The following DNAI4 variants were observed in gnomAD, a reference collection of about 807,000 sequenced individuals.
DNAI4 encodes the protein dynein axonemal intermediate chain 4.
DNAI4 carries 85 observed loss-of-function variants against 105.8 expected under a neutral mutation model. The observed-to-expected ratio is 0.80, with a 90% CI of 0.67 to 0.96. The LOEUF (loss-of-function observed/expected upper bound fraction) is 0.96. DNAI4 is among the 40% of genes least tolerant of loss of function. The pLI is 0.00. For synonymous variants in DNAI4, 352 were observed against 331.5 expected, an observed-to-expected ratio of 1.06 and a Z score of -0.67; for missense variants, 1,014 against 1,005.6, an observed-to-expected ratio of 1.01 and a Z score of -0.11.
Position 66,893,257 on chromosome 1 carries a change from T to A in DNAI4, c.502A>T (p.Asn168Tyr), listed in dbSNP as rs1648014422. Residue 168 changes from asparagine (N) to tyrosine (Y), a missense_variant, in exon 3 of 17, where the codon AAT (asparagine) becomes TAT (tyrosine). Coordinates refer to ENST00000371026, the MANE Select transcript of DNAI4 (RefSeq NM_024763.5). ...SSYSLYQNTI[N>Y]PSTLGQFTRS... Reference sequence around the variant, plus strand: ...GTAAACTGCCCTAACGTACTAGGATTTATTGTATTCTGATAAAGGCTATAG... The same window carrying A: ...GTAAACTGCCCTAACGTACTAGGATATATTGTATTCTGATAAAGGCTATAG... 1 of 1,599,206 alleles carries A rather than the reference T, an allele frequency of 6.3e-7. No individual in the cohort carries two copies. Among genetic ancestry groups the A allele is most frequent in the Admixed American group, 1.7e-5 (1 of 57,854 alleles).
At chr1:66,902,844 T>C (rs995066680) in intron 2 of DNAI4, among the ~76,000 whole-genome samples, 3 of 152,280 alleles carry the variant, frequency 2.0e-5, no homozygotes, top group Admixed American at 6.5e-5. Context: ...TCAAAACCAT[T>C]TGACCATATA....
At chr1:66,839,436 T>C (rs1278848411) in intron 9 of DNAI4, among the ~76,000 whole-genome samples, 1 of 152,206 alleles carries the variant, frequency 6.6e-6, no homozygotes, top group Non-Finnish European at 1.5e-5. Flanking sequence ...ATAGACTTTC[T>C]GTTTTTTAAT....
At chr1:66,870,225 C>A (rs1473655479) in intron 6 of DNAI4, among the ~76,000 whole-genome samples, 1 of 151,946 alleles carries the variant, frequency 6.6e-6, no homozygotes. Context: ...GGGAGGATCA[C>A]CTGAGGTCAG....
intron 6 of DNAI4, among the ~76,000 whole-genome samples, chr1:66,864,111 T>A (rs1001027048): frequency 6.6e-6 from 1 of 152,376 alleles, no homozygotes; most frequent in African/African-American, 2.4e-5. Flanking sequence ...AACAAATTAC[T>A]GCTCATTTTA....
At chr1:66,883,929 A>T (rs945685427) in intron 4 of DNAI4, among the ~76,000 whole-genome samples, 7 of 152,132 alleles carry the variant, frequency 4.6e-5, no homozygotes, top group African/African-American at 7.2e-5. Context: ...TAGACTTTTT[A>T]AAAAAACATA....
chr1:66,907,420 T>C (rs989522932), intron 1 of DNAI4, among the ~76,000 whole-genome samples: 6 of 152,140 alleles, frequency 3.9e-5, no homozygotes, highest in African/African-American at 9.7e-5. Context: ...ACTCTCTCAT[T>C]CTCTTCCTCC....
chr1:66,873,174 TTCCTTCTCCCTC>T lies in DNAI4; in HGVS notation c.800+1595_800+1606del, dbSNP rs1160291024. Among the ~76,000 whole-genome samples the T allele has an allele frequency of 3.0e-4, 45 of 151,506 alleles. 1 individual carries two copies. The South Asian group carries it at 9.2e-3, about 31-fold the overall frequency. On this transcript the variant is annotated intron_variant, in intron 5 of 16. Coordinates refer to ENST00000371026, the MANE Select transcript of DNAI4 (RefSeq NM_024763.5). ...AATTCTTCTCCTTCTCCTTCTCCCT[TTCCTTCTCCCTC>T]TCCTTCTCCCTCTCCCTCTCCTTCT...
At chr1:66,833,807 C>T (rs1557904695) in intron 12 of DNAI4, 101 bp from the exon 13 acceptor site, 8 of 1,463,020 alleles carry the variant, frequency 5.5e-6, no homozygotes, top group East Asian at 2.3e-5. Context: ...ATTAGTTCTG[C>T]CAACTTTTGC....
At chr1:66,915,984 T>G (rs1557987500) in intron 1 of DNAI4, among the ~76,000 whole-genome samples, 1 of 150,174 alleles carries the variant, frequency 6.7e-6, no homozygotes, top group Non-Finnish European at 1.5e-5. Flanking sequence ...TAGCTAGGTG[T>G]GGTGGTGTGC....
chr1:66,921,304 T>C (rs1650462097), intron 1 of DNAI4: 1 of 152,220 alleles, frequency 6.6e-6, no homozygotes, highest in East Asian at 1.9e-4. Flanking sequence ...TGTCCAGTAT[T>C]GTAAAGCTAA....
chr1:66,911,618 T>C (rs1054899362), intron 1 of DNAI4, among the ~76,000 whole-genome samples: 1 of 152,210 alleles, frequency 6.6e-6, no homozygotes. Flanking sequence ...TAAGGACCAT[T>C]TGATCAAAGA....
At chr1:66,827,759 TG>T in intron 14 of DNAI4, 52 bp downstream of exon 14, 1 of 1,066,632 alleles carries the variant, frequency 9.4e-7, no homozygotes. Flanking sequence ...ATAATGGTAC[TG>T]TTTTTTCAGA....
At position 66,817,310 on chromosome 1, in the gene DNAI4, T is replaced by C. The variant is rs59546947; in HGVS notation, c.2497-3130A>G. Among the ~76,000 whole-genome samples the C allele has an allele frequency of 6.9e-3, 1,045 of 152,298 alleles. 7 individuals are homozygous for C. The highest frequency in any genetic ancestry group is 0.024 in the African/African-American group (1,001 of 41,566). On this transcript the variant is annotated intron_variant, in intron 16 of 16. Coordinates refer to ENST00000371026, the MANE Select transcript of DNAI4 (RefSeq NM_024763.5). ...AATCTGGGCTAGGCCTGGTGGCTCA[T>C]GCCTGTAATCCCAGCACTTGAGGAC... is the stretch of plus-strand genomic sequence containing the variant.
intron 5 of DNAI4, among the ~76,000 whole-genome samples, chr1:66,873,820 AATTATCTGTCCCTTTCTTTTTTC>A (rs1174536362): frequency 6.7e-6 from 1 of 149,436 alleles, no homozygotes; most frequent in Non-Finnish European, 1.5e-5. Context: ...ATTTCAAAGC[AATTATCTGTCCCTTTCTTTTTTC>A]CCTCTTTCCT....
chr1:66,814,821 G>T (rs1318532829), intron 16 of DNAI4, among the ~76,000 whole-genome samples: 1 of 152,060 alleles, frequency 6.6e-6, no homozygotes, highest in Admixed American at 6.5e-5. Flanking sequence ...ATTCTTTCCT[G>T]ATCTATTAAT....
intron 4 of DNAI4, among the ~76,000 whole-genome samples, chr1:66,884,900 A>T (rs1647160544): frequency 6.6e-6 from 1 of 152,208 alleles, no homozygotes. Context: ...GAGAACAGCC[A>T]GTTGTCTCAA....
intron 13 of DNAI4, among the ~76,000 whole-genome samples, chr1:66,830,807 TA>T (rs1375408431): frequency 2.7e-4 from 40 of 148,864 alleles, no homozygotes; most frequent in African/African-American, 9.6e-4. Flanking sequence ...ATAAATAAAA[TA>T]AAATAAATAA....
chr1:66,855,372 TATA>T (rs1646479384), intron 7 of DNAI4, among the ~76,000 whole-genome samples: 1 of 152,162 alleles, frequency 6.6e-6, no homozygotes, highest in Non-Finnish European at 1.5e-5. Context: ...GATCTGTGAG[TATA>T]ATAATAAGCT....
At position 66,924,169 on chromosome 1, in the gene DNAI4, A is replaced by C. The variant is rs140069902; in HGVS notation, c.170+493T>G. Among the ~76,000 whole-genome samples the C allele has an allele frequency of 4.0e-3, 615 of 152,148 alleles. 2 individuals carry two copies. Among genetic ancestry groups the C allele is most frequent in the Middle Eastern group, 0.017 (5 of 294 alleles). On this transcript the variant is annotated intron_variant, in intron 1 of 16. Transcript: ENST00000371026. ...TCACACAGCAAGCACAGCAATAGAG[A>C]TTTATTTTATCTTATTTTTTAGACA...
Sources: allele counts gnomAD v4.1 joint callset (sites outside exome capture counted in the v4.1 genomes callset), GRCh38; gene constraint gnomAD v4.1.1; transcripts MANE v1.5; gene names NCBI Gene and HGNC (gene_info 2026-07-23, HGNC 2026-07-21).